The following CFAP97 variants were observed in gnomAD, a reference collection of about 807,000 sequenced individuals.
CFAP97 encodes cilia- and flagella-associated protein 97.
CFAP97 carries 36 observed loss-of-function variants against 43.1 expected under a neutral mutation model. The ratio of observed to expected loss-of-function variants is 0.84; its 90% CI spans 0.64 to 1.10. The LOEUF is 1.10. Among genes scored for constraint, CFAP97 ranks in the 50% least tolerant of loss-of-function variants. The pLI is 0.00. For missense variants in CFAP97, 657 were observed against 620.3 expected, an observed-to-expected ratio of 1.06 and a Z score of -0.63; for synonymous variants, 228 against 225.7, an observed-to-expected ratio of 1.01 and a Z score of -0.09.
upstream of CFAP97, among the ~76,000 whole-genome samples, chr4:185,205,629 G>T (rs566106737): frequency 2.2e-3 from 328 of 152,278 alleles, 1 homozygote; most frequent in Non-Finnish European, 3.1e-3. Flanking sequence ...AGGAGTTCCA[G>T]ACCAGCCTGG....
chr4:185,204,611 TCA>T (rs1410831693), upstream of CFAP97: 1 of 152,246 alleles, frequency 6.6e-6, no homozygotes, highest in Non-Finnish European at 1.5e-5. Flanking sequence ...CGTGAATATG[TCA>T]CCTTATGTGG....
chr4:185,171,120 TCATTA>T (rs1468749245), intron 3 of CFAP97, among the ~76,000 whole-genome samples: 10 of 151,808 alleles, frequency 6.6e-5, no homozygotes, highest in African/African-American at 2.4e-4. Flanking sequence ...ACAGAAATCA[TCATTA>T]CATTATTTAT....
intron 2 of CFAP97, among the ~76,000 whole-genome samples, chr4:185,186,360 G>A (rs1035852848): frequency 1.3e-5 from 2 of 152,126 alleles, no homozygotes; most frequent in Non-Finnish European, 2.9e-5. Flanking sequence ...TTGAACCCGG[G>A]AGGCAGAGGT....
intron 1 of CFAP97, among the ~76,000 whole-genome samples, chr4:185,192,749 T>TG: frequency 4.9e-5 from 5 of 101,734 alleles, no homozygotes; most frequent in African/African-American, 1.9e-4. Context: ...TTTTTTTTTT[T>TG]TTTTTTTTTG....
intron 1 of CFAP97, among the ~76,000 whole-genome samples, chr4:185,193,264 AACAT>A (rs1736381717): frequency 6.6e-6 from 1 of 152,160 alleles, no homozygotes; most frequent in Non-Finnish European, 1.5e-5. Flanking sequence ...AAAAAAGACA[AACAT>A]ACATAAAAAT....
chr4:185,187,346 T>A (rs992763717), intron 2 of CFAP97, among the ~76,000 whole-genome samples: 1 of 152,154 alleles, frequency 6.6e-6, no homozygotes, highest in Non-Finnish European at 1.5e-5. Flanking sequence ...GTGCCTGTAT[T>A]TGGAAATTCC....
At chr4:185,197,589 G>A (rs1344826033) in intron 1 of CFAP97, among the ~76,000 whole-genome samples, 5 of 151,806 alleles carry the variant, frequency 3.3e-5, no homozygotes, top group Non-Finnish European at 7.4e-5. Context: ...CACCACACCC[G>A]GCTAATTTTT....
In CFAP97 at chr4:185,159,905, T is replaced by C. The variant is rs1224343640; in HGVS notation, c.*2893A>G. ...AGTAAACTTTTTATGAATGTAATTA[T>C]TAAAGTATAATCAACTCACATCTTT... On this transcript the variant is annotated 3_prime_UTR_variant, in exon 5 of 5. Transcript: ENST00000458385. The C allele has an allele frequency of 6.6e-6, 1 of 152,250 alleles. No individual in the cohort carries two copies. Among genetic ancestry groups the C allele is most frequent in the African/African-American group, 2.4e-5 (1 of 41,462 alleles). 9.4% of individuals were successfully genotyped at this position (152,250 alleles called of 1,614,324 possible).
chr4:185,192,889 C>T (rs543794730), intron 1 of CFAP97, among the ~76,000 whole-genome samples: 9 of 151,982 alleles, frequency 5.9e-5, no homozygotes, highest in South Asian at 4.2e-4. Flanking sequence ...TACAGGCGCC[C>T]GCCACCACGC....
At chr4:185,181,966 C>CA (rs1461111469) in intron 2 of CFAP97, among the ~76,000 whole-genome samples, 1 of 152,158 alleles carries the variant, frequency 6.6e-6, no homozygotes, top group African/African-American at 2.4e-5. Context: ...ATCACTTTAG[C>CA]AAAAAATTTA....
At chr4:185,193,931 G>C (rs1268764826) in intron 1 of CFAP97, among the ~76,000 whole-genome samples, 1 of 129,420 alleles carries the variant, frequency 7.7e-6, no homozygotes, top group Non-Finnish European at 1.7e-5. Context: ...AACATTACTT[G>C]GAACATGGAA....
chr4:185,187,290 A>T (rs1457804893), intron 2 of CFAP97, among the ~76,000 whole-genome samples: 1 of 152,198 alleles, frequency 6.6e-6, no homozygotes, highest in East Asian at 1.9e-4. Flanking sequence ...GTGCAACAGA[A>T]GCAGTTTCCT....
intron 1 of CFAP97, among the ~76,000 whole-genome samples, chr4:185,198,407 C>T (rs1736653298): frequency 6.6e-6 from 1 of 150,448 alleles, no homozygotes; most frequent in Admixed American, 6.7e-5. Flanking sequence ...TGCATCACTA[C>T]ACTCCAGCCT....
At chr4:185,180,921 A>G (rs1423823958) in intron 2 of CFAP97, among the ~76,000 whole-genome samples, 1 of 152,162 alleles carries the variant, frequency 6.6e-6, no homozygotes, top group Admixed American at 6.5e-5. Flanking sequence ...TGTGGGTTAC[A>G]TCTACCAATA....
chr4:185,202,533 G>A (rs1348382132), intron 1 of CFAP97, among the ~76,000 whole-genome samples: 1 of 150,496 alleles, frequency 6.6e-6, no homozygotes, highest in Non-Finnish European at 1.5e-5. Flanking sequence ...AGGCAACAGA[G>A]TGAGATCCTA....
At chr4:185,181,990 C>T (rs1735810451) in intron 2 of CFAP97, among the ~76,000 whole-genome samples, 1 of 152,164 alleles carries the variant, frequency 6.6e-6, no homozygotes, top group African/African-American at 2.4e-5. Context: ...AGTTTCTTTG[C>T]TCATCAATGC....
Position 185,190,553 on chromosome 4 carries a change from G to T in CFAP97, c.644C>A (p.Thr215Asn), listed in dbSNP as rs754020201. The T allele has an allele frequency of 1.2e-6, 2 of 1,613,838 alleles. No homozygotes were observed. Among genetic ancestry groups the T allele is most frequent in the Non-Finnish European group, 1.7e-6 (2 of 1,179,800 alleles). The change falls in exon 2 of 5, where the codon ACC becomes AAC. Residue 215 changes from threonine to asparagine, a missense_variant. Physicochemically the swap from Thr to Asn is moderately conservative, Grantham distance 65. Coordinates refer to ENST00000458385, the MANE Select transcript of CFAP97 (RefSeq NM_020827.3). ...KSSKKHVSGI[T>N]LLSPKHKYKS... ...ATACTTGTGTTTTGGTGACAGGAGG[G>T]TTATACCAGATACATGTTTCTTAGA...
rs1194078812 is a variant in CFAP97 at position 185,176,720 on chromosome 4, AC to A, written c.1055-670del. Among the ~76,000 whole-genome samples, 4 of 152,330 alleles carry A rather than the reference AC, an allele frequency of 2.6e-5. No individual in the cohort carries two copies. The East Asian group carries it at 7.7e-4, about 29-fold the overall frequency. ...GGTTAGAAACCTCAGAGTTGAGGGC[AC>A]TAATACAATACTTAATTTAGGTACA... On this transcript the variant is annotated intron_variant, in intron 2 of 4. Transcript: ENST00000458385.
chr4:185,191,190 G>A lies in CFAP97; in HGVS notation c.7C>T (p.Gln3Ter). 6.6e-7 allele frequency: 1 copy of A among 1,526,590 alleles called. No individual in the cohort carries two copies. Among genetic ancestry groups the A allele is most frequent in the South Asian group, 1.3e-5 (1 of 78,852 alleles). 94.6% of individuals were successfully genotyped at this position (1,526,590 alleles called of 1,614,324 possible). A position where few individuals can be genotyped will look rare whatever the true frequency, so the allele number is the denominator to read the frequency against. The part of the protein sequence containing the change: MD[Q>*]FGDILEGEVD... ...TCACCTTCTAATATATCTCCAAACT[G>A]ATCCATGATGGCAAAAATATATCTG... is the stretch of plus-strand genomic sequence containing the variant. The change falls in exon 2 of 5, where the codon CAG becomes TAG. Residue 3 changes from glutamine (Q) to a stop codon, truncating the protein, a stop_gained. Coordinates refer to ENST00000458385, the MANE Select transcript of CFAP97 (RefSeq NM_020827.3). LOFTEE classifies it high-confidence loss of function.
Sources: allele counts gnomAD v4.1 joint callset (sites outside exome capture counted in the v4.1 genomes callset), GRCh38; gene constraint gnomAD v4.1.1; transcripts MANE v1.5; gene names NCBI Gene and HGNC (gene_info 2026-07-23, HGNC 2026-07-21).